VPS53: variants seen among roughly 807,000 people sequenced by gnomAD.
VPS53 encodes the protein VPS53 subunit of GARP complex, also known as vacuolar protein sorting-associated protein 53 homolog.
A neutral mutation model predicts 107.0 loss-of-function variants in VPS53; 70 were observed. The observed-to-expected ratio is 0.65, with a 90% CI of 0.54 to 0.80. VPS53 has a LOEUF of 0.80. Ranked by LOEUF, VPS53 falls within the 30% of genes least tolerant of loss-of-function variation. VPS53 has a pLI of 0.00. For synonymous variants in VPS53, 409 were observed against 393.3 expected (o/e 1.04, Z -0.47); for missense variants, 917 against 1,049.4 (o/e 0.87, Z 1.74).
chr17:713,417 C>G (rs1170292050), intron 1 of VPS53, among the ~76,000 whole-genome samples: 3 of 152,062 alleles, frequency 2.0e-5, no homozygotes, highest in Non-Finnish European at 2.9e-5. Context: ...CTTTGGGAGG[C>G]CGAGGCGGGC....
At chr17:551,466 G>A (rs1911812718) in intron 17 of VPS53, among the ~76,000 whole-genome samples, 1 of 152,090 alleles carries the variant, frequency 6.6e-6, no homozygotes, top group Non-Finnish European at 1.5e-5. Flanking sequence ...TACTTGGGAG[G>A]CTGAGGCAGG....
chr17:646,401 C>A (rs1970711254), intron 7 of VPS53, among the ~76,000 whole-genome samples: 1 of 124,500 alleles, frequency 8.0e-6, no homozygotes, highest in African/African-American at 2.8e-5. Flanking sequence ...GCCACTGCCT[C>A]CTAAGGGTCT....
chr17:630,399 T>C (rs1419965576), intron 8 of VPS53, among the ~76,000 whole-genome samples: 3 of 152,024 alleles, frequency 2.0e-5, no homozygotes, highest in Non-Finnish European at 4.4e-5. Flanking sequence ...TGAGCGAATA[T>C]CCCCACAATC....
rs376440772 is a variant in VPS53 at position 519,155 on chromosome 17, G to T, written c.2472C>A (p.Leu824=). The change falls in exon 22 of 22, where the codon CTC becomes CTA. Residue 824 remains leucine, a synonymous_variant. Coordinates refer to ENST00000437048, the MANE Select transcript of VPS53 (RefSeq NM_001128159.3). This position sits in a 1 kb window ranked among gnomAD's most constrained non-coding sequence, Gnocchi z 5.0. The part of the protein sequence containing the change: ...PEQESSRIRK[L]EKLIKKRL Reference sequence around the variant, plus strand: ...ACAGTCTCTTTTTAATGAGTTTCTCGAGCTTGCGGATGCGTGACGACTCTT... The same window carrying T: ...ACAGTCTCTTTTTAATGAGTTTCTCTAGCTTGCGGATGCGTGACGACTCTT... 6.5e-7 allele frequency: 1 copy of T among 1,539,178 alleles called. No homozygotes were observed. Among genetic ancestry groups the T allele is most frequent in the South Asian group, 1.2e-5 (1 of 82,510 alleles).
intron 13 of VPS53, among the ~76,000 whole-genome samples, chr17:566,944 C>T (rs1472923233): frequency 1.3e-5 from 2 of 151,926 alleles, no homozygotes; most frequent in African/African-American, 2.4e-5. Context: ...GATGGGGTTT[C>T]ACCATCTTGG....
At chr17:562,888 CA>C in intron 13 of VPS53, 143 bp from the exon 14 acceptor site, 1 of 881,294 alleles carries the variant, frequency 1.1e-6, no homozygotes, top group Non-Finnish European at 1.7e-6. Flanking sequence ...CGATTTTAAT[CA>C]ATATCATCAT....
chr17:650,513 A>G (rs1353630122), intron 7 of VPS53, among the ~76,000 whole-genome samples: 8 of 152,194 alleles, frequency 5.3e-5, no homozygotes, highest in Middle Eastern at 3.4e-3. Context: ...ACAAAACAAA[A>G]CACTAATCTT....
chr17:678,104 C>T (rs908989129), intron 4 of VPS53, among the ~76,000 whole-genome samples: 2 of 151,520 alleles, frequency 1.3e-5, no homozygotes, highest in Non-Finnish European at 2.9e-5. Context: ...CGAGGTGACA[C>T]AGCCAGACCC....
At chr17:521,468 C>T (rs1260940845) in intron 20 of VPS53, 133 bp downstream of exon 20, 1 of 1,066,640 alleles carries the variant, frequency 9.4e-7, no homozygotes, top group Non-Finnish European at 1.2e-6. Context: ...AGGCCAAAAT[C>T]CAGTCCAGCC....
At chr17:700,152 GGA>G (rs1464071796) in intron 2 of VPS53, among the ~76,000 whole-genome samples, 3 of 152,098 alleles carry the variant, frequency 2.0e-5, no homozygotes, top group Non-Finnish European at 4.4e-5. Context: ...AAGTCTGGAA[GGA>G]TAGATAGGAG....
In VPS53 at chr17:520,623, CGACT is replaced by C. The variant is rs1318100128; in HGVS notation, c.2224-697_2224-694del. Among the ~76,000 whole-genome samples, 1 of 152,156 alleles carries C rather than the reference CGACT, an allele frequency of 6.6e-6. No homozygotes were observed. The highest frequency in any genetic ancestry group is 1.9e-4 in the East Asian group (1 of 5,204). ...CAGTATCTGATTTTCTTTCCCCAGC[CGACT>C]GATTTGTTTTGAATTCCTGAGACTG... On this transcript the variant is annotated intron_variant, in intron 20 of 21. Coordinates refer to ENST00000437048, the MANE Select transcript of VPS53 (RefSeq NM_001128159.3). The surrounding 1 kb of genome is among the most constrained non-coding windows in gnomAD (Gnocchi z 4.4).
intron 15 of VPS53, among the ~76,000 whole-genome samples, chr17:556,030 C>T (rs543430855): frequency 6.6e-6 from 1 of 152,222 alleles, no homozygotes; most frequent in Non-Finnish European, 1.5e-5. Context: ...GTAATCCCAA[C>T]TCTTTGGGGG....
chr17:671,286 G>A (rs1178676824), intron 4 of VPS53, among the ~76,000 whole-genome samples: 1 of 149,868 alleles, frequency 6.7e-6, no homozygotes, highest in African/African-American at 2.5e-5. Flanking sequence ...ACAAAAAGAA[G>A]GAAGGAAGGG....
At chr17:529,561 G>C (rs1909376398) in intron 19 of VPS53, among the ~76,000 whole-genome samples, 1 of 152,156 alleles carries the variant, frequency 6.6e-6, no homozygotes, top group African/African-American at 2.4e-5. Context: ...TCCTCAGCCA[G>C]AGCAGGCTCA....
At chr17:598,450 C>T (rs920360414) in intron 12 of VPS53, among the ~76,000 whole-genome samples, 2 of 151,732 alleles carry the variant, frequency 1.3e-5, no homozygotes, top group African/African-American at 4.8e-5. Flanking sequence ...AGCCCCTCTG[C>T]CTGGCTGCCC....
intron 12 of VPS53, among the ~76,000 whole-genome samples, chr17:596,499 T>C (rs896590879): frequency 3.9e-5 from 6 of 152,156 alleles, no homozygotes; most frequent in Non-Finnish European, 7.4e-5. Flanking sequence ...TGCCCTGCCC[T>C]GCCCTCCCCA....
At chr17:616,345 T>C (rs1012655210) in intron 11 of VPS53, 1 of 152,126 alleles carries the variant, frequency 6.6e-6, no homozygotes, top group Non-Finnish European at 1.5e-5. Flanking sequence ...TTCATCAGGC[T>C]TTTCTGGCTA....
chr17:654,262 G>T (rs1230170100), intron 6 of VPS53, among the ~76,000 whole-genome samples: 2 of 152,136 alleles, frequency 1.3e-5, no homozygotes, highest in African/African-American at 2.4e-5. Flanking sequence ...AGGTTCTAAG[G>T]CGTCTGTATC....
intron 17 of VPS53, 25 bp downstream of exon 17, chr17:551,847 A>G: frequency 6.4e-7 from 1 of 1,562,244 alleles, no homozygotes; most frequent in Non-Finnish European, 8.7e-7. Context: ...GTTAGTTTGT[A>G]GGATGCCATT....
Sources: allele counts gnomAD v4.1 joint callset (sites outside exome capture counted in the v4.1 genomes callset), GRCh38; gene constraint gnomAD v4.1.1; non-coding constraint Gnocchi (gnomAD v3.1); transcripts MANE v1.5; gene names NCBI Gene and HGNC (gene_info 2026-07-23, HGNC 2026-07-21).